GRM7: variants seen among roughly 807,000 people sequenced by gnomAD.
The protein encoded by GRM7 is glutamate metabotropic receptor 7, also known as metabotropic glutamate receptor 7.
A neutral mutation model predicts 84.5 loss-of-function variants in GRM7; 35 were observed. That is an observed-to-expected ratio of 0.41 (90% confidence interval 0.32 to 0.55). GRM7 has a LOEUF of 0.55. GRM7 is among the 20% of genes least tolerant of loss of function. The probability of loss-of-function intolerance (pLI) is 0.19; values close to 1 mark genes in which losing one functional copy is unlikely to be tolerated. For missense variants in GRM7, 1,003 were observed against 1,194.6 expected, an observed-to-expected ratio of 0.84 and a Z score of 2.36; for synonymous variants, 487 against 455.1, an observed-to-expected ratio of 1.07 and a Z score of -0.89.
At chr3:7,397,841 T>C (rs978074971) in intron 4 of GRM7, among the ~76,000 whole-genome samples, 1 of 152,068 alleles carries the variant, frequency 6.6e-6, no homozygotes, top group Admixed American at 6.6e-5. Context: ...ATCTAGTAGG[T>C]GGAGGCCAGA....
At chr3:7,492,695 T>C (rs1009142169) in intron 7 of GRM7, among the ~76,000 whole-genome samples, 4 of 152,108 alleles carry the variant, frequency 2.6e-5, no homozygotes, top group African/African-American at 9.7e-5. Flanking sequence ...TTTCGGTTCA[T>C]TTGATTTCTG....
intron 4 of GRM7, among the ~76,000 whole-genome samples, chr3:7,368,952 C>G (rs1694022909): frequency 6.6e-6 from 1 of 150,674 alleles, no homozygotes; most frequent in Admixed American, 6.7e-5. Context: ...TATTTGATCC[C>G]ATTACTTTTC....
chr3:7,441,276 A>G (rs1002864871), intron 5 of GRM7, among the ~76,000 whole-genome samples: 3 of 152,102 alleles, frequency 2.0e-5, no homozygotes, highest in Non-Finnish European at 4.4e-5. Context: ...TTGGTCATGA[A>G]TATGTCTTCT....
chr3:7,728,473 G>T (rs1270329019), intron 9 of GRM7, among the ~76,000 whole-genome samples: 2 of 152,080 alleles, frequency 1.3e-5, no homozygotes, highest in African/African-American at 4.8e-5. Flanking sequence ...AAATCTACTT[G>T]ACCTATGAGG....
chr3:7,465,286 A>C (rs1698417275), intron 7 of GRM7, among the ~76,000 whole-genome samples: 3 of 152,230 alleles, frequency 2.0e-5, no homozygotes, highest in South Asian at 4.2e-4. Flanking sequence ...GACAACCATG[A>C]AGGGAGTCAT....
At chr3:6,953,384 A>G (rs927400094) in intron 1 of GRM7, among the ~76,000 whole-genome samples, 4 of 152,228 alleles carry the variant, frequency 2.6e-5, no homozygotes, top group South Asian at 2.1e-4. Context: ...AAGCCAACAT[A>G]TAGCAACAGC....
chr3:7,338,040 G>GAT, intron 4 of GRM7, among the ~76,000 whole-genome samples: 1 of 150,822 alleles, frequency 6.6e-6, no homozygotes, highest in Non-Finnish European at 1.5e-5. Flanking sequence ...GAAAATGTGG[G>GAT]ATATATATAA....
At chr3:7,531,516 G>C (rs919385746) in intron 7 of GRM7, among the ~76,000 whole-genome samples, 1 of 152,068 alleles carries the variant, frequency 6.6e-6, no homozygotes, top group African/African-American at 2.4e-5. Context: ...TCTCCTTGAA[G>C]GGGTCCTTCA....
chr3:7,330,810 C>G (rs1701178294), intron 4 of GRM7, among the ~76,000 whole-genome samples: 1 of 152,172 alleles, frequency 6.6e-6, no homozygotes, highest in African/African-American at 2.4e-5. Context: ...CAGACTAATA[C>G]CCCTTCCTCC....
chr3:7,247,020 A>AT (rs1364140620), intron 2 of GRM7, among the ~76,000 whole-genome samples: 4 of 152,130 alleles, frequency 2.6e-5, no homozygotes, highest in Non-Finnish European at 5.9e-5. Context: ...ATATCAACTG[A>AT]TTTTCTATGA....
At chr3:7,701,203 T>G (rs1701213398) in intron 9 of GRM7, among the ~76,000 whole-genome samples, 1 of 152,086 alleles carries the variant, frequency 6.6e-6, no homozygotes, top group African/African-American at 2.4e-5. Flanking sequence ...GCCCAGTCTG[T>G]CTCCAAAGAT....
chr3:7,081,123 T>C (rs967449979), intron 1 of GRM7, among the ~76,000 whole-genome samples: 4 of 152,054 alleles, frequency 2.6e-5, no homozygotes, highest in Non-Finnish European at 5.9e-5. Flanking sequence ...ACAGAGTCCT[T>C]GTAGGATATA....
chr3:7,322,946 A>C (rs781191861), intron 4 of GRM7, among the ~76,000 whole-genome samples: 2 of 152,080 alleles, frequency 1.3e-5, no homozygotes, highest in African/African-American at 2.4e-5. Flanking sequence ...ACTTCCTTAG[A>C]AGCAGAGTCG....
At chr3:7,420,838 C>A (rs9833675) in intron 5 of GRM7, among the ~76,000 whole-genome samples, 13,024 of 152,154 alleles carry the variant, frequency 0.086, 1,588 homozygotes, top group African/African-American at 0.27. Flanking sequence ...AAGGCATTCT[C>A]TAGCAACTGT....
At chr3:7,477,123 T>C (rs1698951670) in intron 7 of GRM7, among the ~76,000 whole-genome samples, 1 of 152,190 alleles carries the variant, frequency 6.6e-6, no homozygotes, top group Non-Finnish European at 1.5e-5. Context: ...ATCTCTTATT[T>C]GGTACTAACT....
intron 5 of GRM7, among the ~76,000 whole-genome samples, chr3:7,434,266 C>T (rs1868618): frequency 6.6e-6 from 1 of 151,928 alleles, no homozygotes; most frequent in Non-Finnish European, 1.5e-5. Flanking sequence ...TGACACAGTG[C>T]TTTCTTATTT....
chr3:6,865,695 T>C, intron 1 of GRM7, among the ~76,000 whole-genome samples: 1 of 152,194 alleles, frequency 6.6e-6, no homozygotes, highest in Non-Finnish European at 1.5e-5. Flanking sequence ...CTTCTGTTAA[T>C]TGAAACTTGA....
intron 8 of GRM7, among the ~76,000 whole-genome samples, chr3:7,673,111 G>A (rs9852520): frequency 2.0e-5 from 3 of 152,056 alleles, no homozygotes; most frequent in African/African-American, 7.3e-5. Flanking sequence ...TTACATGCTA[G>A]TAACTGTTCT....
chr3:7,460,121 A>AAAAAAAAAAAAAAAAAC (rs1698182788), intron 6 of GRM7, among the ~76,000 whole-genome samples: 1 of 150,300 alleles, frequency 6.7e-6, no homozygotes, highest in Non-Finnish European at 1.5e-5. Context: ...AAAAAAAAAA[A>AAAAAAAAAAAAAAAAAC]AAAAAAAAGA....
Sources: allele counts gnomAD v4.1 joint callset (sites outside exome capture counted in the v4.1 genomes callset), GRCh38; gene constraint gnomAD v4.1.1; transcripts MANE v1.5; gene names NCBI Gene and HGNC (gene_info 2026-07-23, HGNC 2026-07-21).